Variants in PTBP2 observed in about 807,000 individuals in gnomAD.
PTBP2 encodes polypyrimidine tract-binding protein 2.
In PTBP2, 13 loss-of-function variants were observed where a neutral mutation model predicts 61.4. The ratio of observed to expected loss-of-function variants is 0.21; its 90% CI spans 0.14 to 0.34. PTBP2 has a LOEUF of 0.34. Among genes scored for constraint, PTBP2 ranks in the 10% least tolerant of loss-of-function variants. The probability of loss-of-function intolerance (pLI) is 1.00; values close to 1 mark genes in which losing one functional copy is unlikely to be tolerated. For missense variants in PTBP2, 405 were observed against 642.6 expected, an observed-to-expected ratio of 0.63 and a Z score of 4.00; for synonymous variants, 215 against 218.5, an observed-to-expected ratio of 0.98 and a Z score of 0.14.
At chr1:96,762,730 C>T (rs1261786502) in intron 3 of PTBP2, among the ~76,000 whole-genome samples, 1 of 151,744 alleles carries the variant, frequency 6.6e-6, no homozygotes, top group Admixed American at 6.5e-5. Flanking sequence ...TGACCCCCAC[C>T]TCCCTCCCAG....
At chr1:96,757,025 A>G (rs1468357659) in intron 3 of PTBP2, among the ~76,000 whole-genome samples, 1 of 152,182 alleles carries the variant, frequency 6.6e-6, no homozygotes, top group Non-Finnish European at 1.5e-5. Flanking sequence ...TTGGGGCAGG[A>G]GGCAGGGAAA....
chr1:96,798,509 A>G (rs527750066), intron 8 of PTBP2, among the ~76,000 whole-genome samples: 5 of 152,220 alleles, frequency 3.3e-5, no homozygotes, highest in African/African-American at 1.2e-4. Context: ...TGAACAGGGA[A>G]AAGAAGTAAG....
chr1:96,809,082 T>C (rs768651615), intron 11 of PTBP2, among the ~76,000 whole-genome samples: 2 of 152,146 alleles, frequency 1.3e-5, no homozygotes, highest in African/African-American at 2.4e-5. Context: ...TAGAAAGATA[T>C]AACAGTTTAT....
At chr1:96,760,084 C>T (rs1655631115) in intron 3 of PTBP2, among the ~76,000 whole-genome samples, 2 of 152,068 alleles carry the variant, frequency 1.3e-5, no homozygotes, top group African/African-American at 2.4e-5. Context: ...CAGGTCCCTC[C>T]CACAACACAT....
At chr1:96,747,887 C>CTT (rs202057166) in intron 2 of PTBP2, among the ~76,000 whole-genome samples, 1 of 147,856 alleles carries the variant, frequency 6.8e-6, no homozygotes. Context: ...ATTTCATTGT[C>CTT]TTTTTTTTTT....
chr1:96,745,640 A>G (rs1010365553), intron 2 of PTBP2, among the ~76,000 whole-genome samples: 10 of 152,278 alleles, frequency 6.6e-5, no homozygotes, highest in South Asian at 2.1e-4. Context: ...TTTTAATTCA[A>G]TAATGATTCT....
intron 2 of PTBP2, among the ~76,000 whole-genome samples, chr1:96,735,952 C>T (rs1267061130): frequency 6.6e-6 from 1 of 152,130 alleles, no homozygotes; most frequent in Non-Finnish European, 1.5e-5. Context: ...ACATAGAGAT[C>T]TTTAAAGCAG....
At chr1:96,777,467 A>G (rs17115729) in intron 5 of PTBP2, 118 bp from the exon 6 acceptor site, 38,955 of 808,574 alleles carry the variant, frequency 0.048, 1,781 homozygotes, top group South Asian at 0.18. Context: ...TTGAGGGGCC[A>G]TTTAATTTTG....
At chr1:96,762,378 G>A (rs1304139289) in intron 3 of PTBP2, among the ~76,000 whole-genome samples, 12 of 150,042 alleles carry the variant, frequency 8.0e-5, no homozygotes, top group East Asian at 6.1e-4. Context: ...CGGATGGGGC[G>A]GCTGGCCGGG....
chr1:96,733,603 C>G (rs1485444086), intron 2 of PTBP2, among the ~76,000 whole-genome samples: 1 of 152,014 alleles, frequency 6.6e-6, no homozygotes, highest in African/African-American at 2.4e-5. Flanking sequence ...TCACCTGAGC[C>G]CAGGCGGCAG....
exon 14 of PTBP2, chr1:96,820,695 T>A (rs1662658928): frequency 6.6e-6 from 1 of 152,094 alleles, no homozygotes; most frequent in South Asian, 2.1e-4. Flanking sequence ...TTTTTCAAGA[T>A]AAAGTCATTT....
chr1:96,793,254 T>G (rs1373317723), intron 8 of PTBP2, among the ~76,000 whole-genome samples: 1 of 152,242 alleles, frequency 6.6e-6, no homozygotes, highest in Non-Finnish European at 1.5e-5. Context: ...GTCCTCTGCT[T>G]TGCTATAGCT....
At chr1:96,803,463 A>G (rs1269568523) in intron 8 of PTBP2, among the ~76,000 whole-genome samples, 1 of 152,180 alleles carries the variant, frequency 6.6e-6, no homozygotes, top group African/African-American at 2.4e-5. Flanking sequence ...AAAGGTGTGA[A>G]AAGAAACTCA....
At position 96,757,548 on chromosome 1, in the gene PTBP2, C is replaced by T. The variant is rs185824453; in HGVS notation, c.115+6048C>T. ...AATTGATAGGATAGTACAGTCCTAG[C>T]CCCCAAATAAAAAGATACATAATTT... On this transcript the variant is annotated intron_variant, in intron 3 of 13. Coordinates refer to ENST00000674951, the MANE Select transcript of PTBP2 (RefSeq NM_021190.4). 2.9e-3 allele frequency among the ~76,000 whole-genome samples: 441 copies of T among 152,116 alleles called. 2 individuals carry two copies. The highest frequency in any genetic ancestry group is 0.01 in the African/African-American group (431 of 41,500).
At chr1:96,730,448 T>C (rs1651245943) in intron 2 of PTBP2, among the ~76,000 whole-genome samples, 1 of 152,214 alleles carries the variant, frequency 6.6e-6, no homozygotes, top group African/African-American at 2.4e-5. Context: ...GACCCATGGG[T>C]TATTGGAAAG....
chr1:96,798,849 A>G (rs1660659870), intron 8 of PTBP2, among the ~76,000 whole-genome samples: 1 of 152,220 alleles, frequency 6.6e-6, no homozygotes, highest in South Asian at 2.1e-4. Flanking sequence ...GTAATGTCTT[A>G]AATTTGTTTG....
chr1:96,791,107 G>A (rs1469846189), intron 8 of PTBP2, among the ~76,000 whole-genome samples: 1 of 151,554 alleles, frequency 6.6e-6, no homozygotes, highest in Admixed American at 6.6e-5. Context: ...GTACTTTTGT[G>A]TAGTCTGCCT....
chr1:96,812,343 AT>A (rs1486976891), intron 11 of PTBP2, among the ~76,000 whole-genome samples: 2 of 152,198 alleles, frequency 1.3e-5, no homozygotes, highest in Non-Finnish European at 2.9e-5. Context: ...TTGAGGGACA[AT>A]TAGGAGGAAG....
At chr1:96,823,406 A>T (rs1296565295) in exon 14 of PTBP2, 1 of 152,232 alleles carries the variant, frequency 6.6e-6, no homozygotes, top group Non-Finnish European at 1.5e-5. Context: ...ACTAAGATAC[A>T]ATTTTAAGTT....
Sources: gnomAD v4.1 joint callset for allele counts (sites outside exome capture counted in the v4.1 genomes callset) on GRCh38, gnomAD v4.1.1 for gene constraint, MANE v1.5 for transcripts, NCBI Gene and HGNC (gene_info 2026-07-23, HGNC 2026-07-21) for gene names.